The following CNTNAP3B variants were observed in gnomAD, a reference collection of about 807,000 sequenced individuals.
The protein encoded by CNTNAP3B is contactin-associated protein-like 3B.
Under a neutral mutation model 108.9 loss-of-function variants are expected in CNTNAP3B, and 25 were observed. The ratio of observed to expected loss-of-function variants is 0.23; its 90% CI spans 0.17 to 0.32. CNTNAP3B has a LOEUF of 0.32. Among genes scored for constraint, CNTNAP3B ranks in the 10% least tolerant of loss-of-function variants. The pLI is 1.00. For synonymous variants in CNTNAP3B, 103 were observed against 473.4 expected, an observed-to-expected ratio of 0.22 and a Z score of 10.16; for missense variants, 252 against 1,210.4, an observed-to-expected ratio of 0.21 and a Z score of 11.75.
At chr9:42,058,609 A>C (rs1192703992) in intron 3 of CNTNAP3B, among the ~76,000 whole-genome samples, 1 of 142,854 alleles carries the variant, frequency 7.0e-6, no homozygotes, top group Non-Finnish European at 1.5e-5. Flanking sequence ...TATGTATTTT[A>C]AATATTAACC....
intron 3 of CNTNAP3B, among the ~76,000 whole-genome samples, chr9:42,071,305 T>C (rs1195032923): frequency 1.4e-5 from 2 of 145,816 alleles, no homozygotes; most frequent in Non-Finnish European, 3.0e-5. Flanking sequence ...CAGGAAGAGA[T>C]AATTTACCCA....
intron 18 of CNTNAP3B, among the ~76,000 whole-genome samples, chr9:41,918,669 G>A (rs1347865484): frequency 1.1e-3 from 159 of 142,188 alleles, no homozygotes; most frequent in Non-Finnish European, 8.6e-4. Flanking sequence ...ACCATATAAC[G>A]TCTATCCTTA....
chr9:41,928,146 C>A (rs1243969581), intron 15 of CNTNAP3B, among the ~76,000 whole-genome samples: 103 of 152,352 alleles, frequency 6.8e-4, no homozygotes, highest in Non-Finnish European at 1.2e-3. Context: ...TGAGATTTCA[C>A]CCTACTTGCA....
At chr9:42,086,381 T>A (rs1827703909) in intron 2 of CNTNAP3B, among the ~76,000 whole-genome samples, 1 of 134,274 alleles carries the variant, frequency 7.4e-6, no homozygotes, top group African/African-American at 2.9e-5. Flanking sequence ...TTGCTATGAA[T>A]ATATATATAT....
intron 10 of CNTNAP3B, among the ~76,000 whole-genome samples, chr9:41,965,304 C>G (rs1758293): frequency 6.6e-6 from 1 of 152,184 alleles, no homozygotes; most frequent in African/African-American, 2.4e-5. Flanking sequence ...GACCCTGAAC[C>G]AGCCAATGTT....
At chr9:41,940,989 T>A (rs1218902547) in intron 13 of CNTNAP3B, among the ~76,000 whole-genome samples, 1 of 152,064 alleles carries the variant, frequency 6.6e-6, no homozygotes, top group Non-Finnish European at 1.5e-5. Context: ...TGGATAAATA[T>A]AATAGACTAT....
At chr9:41,921,531 T>C (rs1392123988) in intron 17 of CNTNAP3B, among the ~76,000 whole-genome samples, 1 of 151,894 alleles carries the variant, frequency 6.6e-6, no homozygotes, top group Non-Finnish European at 1.5e-5. Context: ...TTTAATTAGA[T>C]TGCATCCTTA....
chr9:42,002,440 T>C (rs181485338), intron 4 of CNTNAP3B, among the ~76,000 whole-genome samples: 1 of 96,820 alleles, frequency 1.0e-5, no homozygotes, highest in Non-Finnish European at 2.2e-5. Flanking sequence ...TCACACTTCC[T>C]CAAAGAATAC....
chr9:41,921,088 T>C (rs1472136504), intron 17 of CNTNAP3B, among the ~76,000 whole-genome samples: 1 of 152,312 alleles, frequency 6.6e-6, no homozygotes, highest in Non-Finnish European at 1.5e-5. Context: ...CTCCCAGAGA[T>C]TCCAATTCGG....
intron 13 of CNTNAP3B, among the ~76,000 whole-genome samples, chr9:41,946,009 A>G (rs867452424): frequency 6.6e-6 from 1 of 152,282 alleles, no homozygotes; most frequent in Non-Finnish European, 1.5e-5. Context: ...TTACACAATA[A>G]TAAAGGGGTC....
chr9:42,122,069 C>T (rs1202848183), intron 1 of CNTNAP3B, among the ~76,000 whole-genome samples: 1 of 139,878 alleles, frequency 7.1e-6, no homozygotes, highest in Non-Finnish European at 1.5e-5. Context: ...GAGCCCTGAG[C>T]TTAGGGAATT....
At chr9:41,947,492 A>G (rs3124733) in intron 13 of CNTNAP3B, among the ~76,000 whole-genome samples, 1 of 152,212 alleles carries the variant, frequency 6.6e-6, no homozygotes, top group South Asian at 2.1e-4. Context: ...GAAAAACTAA[A>G]TGAAAATGAG....
intron 14 of CNTNAP3B, among the ~76,000 whole-genome samples, chr9:41,935,344 T>C (rs1194301583): frequency 1.8e-4 from 28 of 152,378 alleles, no homozygotes; most frequent in Admixed American, 7.8e-4. Context: ...AACGGACATA[T>C]GCCTGAAGAG....
chr9:41,956,816 T>C (rs1201089068), intron 12 of CNTNAP3B, among the ~76,000 whole-genome samples: 1 of 139,986 alleles, frequency 7.1e-6, no homozygotes, highest in East Asian at 2.0e-4. Flanking sequence ...GTAGGTAAGG[T>C]GCTTTCTTCC....
intron 2 of CNTNAP3B, among the ~76,000 whole-genome samples, chr9:42,090,840 T>TAC (rs200483365): frequency 0.014 from 1,033 of 75,282 alleles, 92 homozygotes; most frequent in African/African-American, 0.042. Context: ...TGCAACTGAA[T>TAC]ACACACACAC....
intron 11 of CNTNAP3B, among the ~76,000 whole-genome samples, chr9:41,961,286 CT>C (rs1825082856): frequency 1.3e-5 from 2 of 152,300 alleles, no homozygotes; most frequent in African/African-American, 4.8e-5. Flanking sequence ...AGAGACTGTA[CT>C]TTCTCTACAT....
intron 11 of CNTNAP3B, among the ~76,000 whole-genome samples, chr9:41,962,495 A>T (rs1389432750): frequency 1.3e-5 from 2 of 150,492 alleles, no homozygotes; most frequent in African/African-American, 4.9e-5. Context: ...GGTGGCAGAT[A>T]TAAATTTTCC....
chr9:41,928,562 A>G (rs959303998), intron 15 of CNTNAP3B, among the ~76,000 whole-genome samples: 2 of 152,276 alleles, frequency 1.3e-5, no homozygotes, highest in South Asian at 2.1e-4. Context: ...CATCTGGCAC[A>G]CTCGGCAAGA....
intron 12 of CNTNAP3B, among the ~76,000 whole-genome samples, chr9:41,958,844 T>C (rs1824962207): frequency 1.4e-5 from 2 of 148,014 alleles, no homozygotes; most frequent in African/African-American, 2.6e-5. Context: ...CTTCCCTTTC[T>C]GGAAGCATGA....
Sources: gnomAD v4.1 joint callset for allele counts (sites outside exome capture counted in the v4.1 genomes callset) on GRCh38, gnomAD v4.1.1 for gene constraint, MANE v1.5 for transcripts, NCBI Gene and HGNC (gene_info 2026-07-23, HGNC 2026-07-21) for gene names.